Variants in ESPN observed in about 807,000 individuals in gnomAD.
ESPN encodes autosomal recessive deafness type 36 protein.
Under a neutral mutation model 77.7 loss-of-function variants are expected in ESPN, and 68 were observed. The ratio of observed to expected loss-of-function variants is 0.87; its 90% CI spans 0.72 to 1.07. The LOEUF (loss-of-function observed/expected upper bound fraction) is 1.07, where lower values mean the gene tolerates loss of function less well. ESPN is among the 50% of genes least tolerant of loss of function. The pLI is 0.00. For missense variants in ESPN, 1,060 were observed against 1,239.0 expected (o/e 0.86, Z 2.17); for synonymous variants, 449 against 567.1 (o/e 0.79, Z 2.96).
chr1:6,446,347 C>G (rs1227246603), intron 7 of ESPN, among the ~76,000 whole-genome samples: 1 of 152,116 alleles, frequency 6.6e-6, no homozygotes, highest in African/African-American at 2.4e-5. Flanking sequence ...GAGGTGGCTG[C>G]CAGGTGGAAG....
At chr1:6,455,342 C>G (rs898194317) in intron 10 of ESPN, 5 of 385,388 alleles carry the variant, frequency 1.3e-5, no homozygotes, top group African/African-American at 1.0e-4. Context: ...GCCGCCGCGC[C>G]CAGGCGCGCC....
chr1:6,454,726 G>A, intron 10 of ESPN: 1 of 398,154 alleles, frequency 2.5e-6, no homozygotes. Flanking sequence ...CTGCCCGCCT[G>A]GTGCAGCAAG....
At chr1:6,454,945 G>A (rs1256810869) in intron 10 of ESPN, 1 of 383,700 alleles carries the variant, frequency 2.6e-6, no homozygotes, top group Non-Finnish European at 4.6e-6. Context: ...CTCGAGTGCG[G>A]CGTCTCCGTG....
chr1:6,425,126 G>A lies in ESPN; in HGVS notation c.171G>A (p.Glu57=). 6.6e-7 allele frequency: 1 copy of A among 1,508,914 alleles called. No homozygotes were observed. Among genetic ancestry groups the A allele is most frequent in the African/African-American group, 1.4e-5 (1 of 69,642 alleles). 93.5% of individuals were successfully genotyped at this position (1,508,914 alleles called of 1,614,324 possible). Residue 57 remains glutamate (E), a synonymous_variant, in exon 1 of 13, where the codon GAG becomes GAA. Coordinates refer to ENST00000645284, the MANE Select transcript of ESPN (RefSeq NM_031475.3). ...GKLHCLRFLV[E]EAALPAAARA... is the part of the protein sequence containing the mutation. Reference sequence around the variant, plus strand: ...TGCACTGTCTGCGCTTCCTGGTGGAGGAAGCCGCCCTCCCCGCCGCGGCCC... The same window carrying A: ...TGCACTGTCTGCGCTTCCTGGTGGAAGAAGCCGCCCTCCCCGCCGCGGCCC...
intron 10 of ESPN, chr1:6,456,014 GC>G (rs1644050363): frequency 2.5e-6 from 1 of 397,214 alleles, no homozygotes; most frequent in Non-Finnish European, 4.4e-6. Flanking sequence ...CGCAGCCGCC[GC>G]CGCCGCCCCC....
In ESPN at chr1:6,455,015, G is replaced by A. The variant is rs146575430; in HGVS notation, c.2326-2169G>A. On this transcript the variant is annotated intron_variant, in intron 10 of 12. Transcript: ENST00000645284. ...GGGGCGCGGCGCCCGCGCGCTGTCC[G>A]CGCCGCAAGCCCCCGCAGTCCGCTG... 489 of 376,956 alleles carry A rather than the reference G, an allele frequency of 1.3e-3. 3 individuals carry two copies. Among genetic ancestry groups the A allele is most frequent in the African/African-American group, 9.5e-3 (452 of 47,718 alleles). 23.4% of individuals were successfully genotyped at this position (376,956 alleles called of 1,614,324 possible). A position where few individuals can be genotyped will look rare whatever the true frequency, so the allele number is the denominator to read the frequency against.
chr1:6,435,350 C>T (rs1325714887), intron 2 of ESPN, among the ~76,000 whole-genome samples: 4 of 152,216 alleles, frequency 2.6e-5, no homozygotes, highest in Non-Finnish European at 5.9e-5. Flanking sequence ...GCAGCTCACT[C>T]CCTGCGGCGG....
rs1431201812 is a variant in ESPN at position 6,440,422 on chromosome 1, C to G, written c.657C>G (p.Ser219Arg). The change falls in exon 3 of 13, where the codon AGC becomes AGG. Residue 219 changes from serine (S) to arginine (R), a missense_variant. Ser to Arg is a moderately radical substitution (Grantham distance 110). Transcript: ENST00000645284. The stretch of plus-strand genomic sequence containing the variant: ...ACGCCGCGGCGCAGATGGGCCACAG[C>G]CCAGTCATCGTGTGGTTGGTGAGCT... The part of the protein sequence containing the change: ...PLHAAAQMGH[S>R]PVIVWLVSCT... 6.4e-7 allele frequency: 1 copy of G among 1,571,152 alleles called. No homozygotes were observed.
chr1:6,433,945 C>T (rs761975319), intron 2 of ESPN, among the ~76,000 whole-genome samples: 6 of 152,170 alleles, frequency 3.9e-5, no homozygotes, highest in African/African-American at 1.2e-4. Context: ...CTCGCTCTAT[C>T]GCCCAGGCTG....
intron 3 of ESPN, 27 bp from the exon 4 acceptor site, chr1:6,440,599 C>CACCCACAG: frequency 8.4e-7 from 1 of 1,190,872 alleles, no homozygotes. Flanking sequence ...CAGCCCCCGC[C>CACCCACAG]CCCCTCTCCC....
At chr1:6,455,815 G>T in intron 10 of ESPN, 1 of 398,956 alleles carries the variant, frequency 2.5e-6, no homozygotes, top group Non-Finnish European at 4.4e-6. Context: ...GGCCGGCGCG[G>T]CTGGAGCGAC....
In ESPN at chr1:6,437,196, C is replaced by T. The variant is rs1262306408; in HGVS notation, c.489-3058C>T. 1 of 152,252 alleles carries T rather than the reference C, an allele frequency of 6.6e-6. No individual in the cohort carries two copies. The highest frequency in any genetic ancestry group is 1.5e-5 in the Non-Finnish European group (1 of 68,066). 9.4% of individuals were successfully genotyped at this position (152,252 alleles called of 1,614,324 possible). A position where few individuals can be genotyped will look rare whatever the true frequency, so the allele number is the denominator to read the frequency against. On this transcript the variant is annotated intron_variant, in intron 2 of 12. Transcript: ENST00000645284. This position sits in a 1 kb window ranked among gnomAD's most constrained non-coding sequence, Gnocchi z 4.5. ...CGGCCCTGCAGGAGGCTGTGGGTAC[C>T]ACTGCCCCCTGCTGCTCAGATCCTG...
At chr1:6,441,189 A>G in intron 5 of ESPN, 124 bp downstream of exon 5, 2 of 1,346,378 alleles carry the variant, frequency 1.5e-6, no homozygotes, top group Non-Finnish European at 2.1e-6. Flanking sequence ...CCGCTACCCC[A>G]CACGACCTCT....
intron 12 of ESPN, 109 bp from the exon 13 acceptor site, chr1:6,459,890 C>T: frequency 3.6e-6 from 5 of 1,407,982 alleles, no homozygotes; most frequent in Non-Finnish European, 5.0e-6. Flanking sequence ...TAACCCACCC[C>T]TTGCATGGGT....
downstream of ESPN, chr1:6,461,101 A>C: frequency 1.8e-6 from 1 of 551,116 alleles, no homozygotes; most frequent in Non-Finnish European, 3.6e-6. This position sits in a 1 kb window ranked among gnomAD's most constrained non-coding sequence, Gnocchi z 6.3. Flanking sequence ...TCCCTCGAGA[A>C]AAGTCCAGTC....
Position 6,445,770 on chromosome 1 carries a change from C to A in ESPN, c.1299C>A (p.Pro433=), listed in dbSNP as rs763400014. 8.0e-6 allele frequency: 12 copies of A among 1,508,392 alleles called. No individual in the cohort carries two copies. The highest frequency in any genetic ancestry group is 7.6e-5 in the Admixed American group (4 of 52,400). The allele number at this position is 1,508,392 out of a possible 1,614,324, so 93.4% of individuals were successfully genotyped here. ...TTGGGAAGCCCACACCCCCACCACC[C>A]CCACCCAGCTTCCCCCCGCCACCCC... ...GTIGKPTPPP[P]PPSFPPPPPP... Residue 433 remains proline, a synonymous_variant, in exon 7 of 13, where the codon CCC becomes CCA. Transcript: ENST00000645284.
At chr1:6,457,103 G>GA in intron 10 of ESPN, 81 bp from the exon 11 acceptor site, 1 of 1,352,280 alleles carries the variant, frequency 7.4e-7, no homozygotes, top group East Asian at 2.5e-5. Context: ...CTGTGACCCT[G>GA]ACTCCTTCAG....
At chr1:6,425,415 G>A (rs990028552) in intron 1 of ESPN, among the ~76,000 whole-genome samples, 166 bp downstream of exon 1, 5 of 152,254 alleles carry the variant, frequency 3.3e-5, no homozygotes, top group African/African-American at 1.2e-4. Flanking sequence ...GGGCTCCCTG[G>A]CTTGCCAGTA....
In ESPN at chr1:6,444,052, T is replaced by TGCCCCAG. The variant is rs1643739056; in HGVS notation, c.991-420_991-414dup. ...ACAGGCCGGGCTGGTGTTGGGAGTC[T>TGCCCCAG]GCCCCAGGCCCCAGGTCCAGCAAGG... On this transcript the variant is annotated intron_variant, in intron 5 of 12. Transcript: ENST00000645284. Among the ~76,000 whole-genome samples the TGCCCCAG allele has an allele frequency of 2.0e-5, 3 of 152,210 alleles. No individual in the cohort carries two copies. The South Asian group carries it at 6.2e-4, about 32-fold the overall frequency.
Sources: gnomAD v4.1 joint callset for allele counts (sites outside exome capture counted in the v4.1 genomes callset) on GRCh38, gnomAD v4.1.1 for gene constraint, Gnocchi (gnomAD v3.1) non-coding constraint, MANE v1.5 for transcripts, NCBI Gene and HGNC (gene_info 2026-07-23, HGNC 2026-07-21) for gene names.